Variants in CHST9 observed in about 807,000 individuals in gnomAD.
The protein encoded by CHST9 is GalNAc-4-sulfotransferase 2.
A neutral mutation model predicts 44.4 loss-of-function variants in CHST9; 41 were observed. The ratio of observed to expected loss-of-function variants is 0.92; its 90% confidence interval spans 0.72 to 1.20. The LOEUF (loss-of-function observed/expected upper bound fraction) is 1.20. Ranked by LOEUF, CHST9 falls within the 50% of genes most tolerant of loss-of-function variation. The pLI, the probability that CHST9 is intolerant of heterozygous loss-of-function variation, is 0.00. For synonymous variants in CHST9, 171 were observed against 178.4 expected (o/e 0.96, Z 0.33); for missense variants, 504 against 516.5 (o/e 0.98, Z 0.23).
chr18:27,098,024 A>C lies in CHST9; in HGVS notation c.121+44665T>G, dbSNP rs113250637. On this transcript the variant is annotated intron_variant, in intron 2 of 5. Coordinates refer to ENST00000618847, the MANE Select transcript of CHST9 (RefSeq NM_031422.6). ...TTTGAAGTCAGGTAGCATTCAGGCAACCTACAGAATGGGAGAAAATTTTTG... is the reference window on the plus strand; with the variant it reads ...TTTGAAGTCAGGTAGCATTCAGGCACCCTACAGAATGGGAGAAAATTTTTG... Among the ~76,000 whole-genome samples, 467 of 151,946 alleles carry C rather than the reference A, an allele frequency of 3.1e-3. 1 individual carries two copies. The highest frequency in any genetic ancestry group is 5.7e-3 in the Non-Finnish European group (388 of 67,770).
chr18:27,070,064 G>A (rs561284503), intron 2 of CHST9, among the ~76,000 whole-genome samples: 9 of 152,170 alleles, frequency 5.9e-5, no homozygotes, highest in African/African-American at 1.9e-4. Flanking sequence ...GCCACTGTTC[G>A]GCACATAAAA....
At chr18:27,087,104 C>A (rs2058020435) in intron 2 of CHST9, among the ~76,000 whole-genome samples, 1 of 152,104 alleles carries the variant, frequency 6.6e-6, no homozygotes, top group South Asian at 2.1e-4. Flanking sequence ...ATGTTTTCTA[C>A]TGTATGAATC....
intron 2 of CHST9, among the ~76,000 whole-genome samples, chr18:27,113,489 C>T (rs2143788703): frequency 6.6e-6 from 1 of 152,100 alleles, no homozygotes; most frequent in Non-Finnish European, 1.5e-5. Context: ...ATGTTTGTGT[C>T]CCCCTAATAG....
chr18:27,158,128 AG>A (rs1314532757), intron 1 of CHST9, among the ~76,000 whole-genome samples: 5 of 152,150 alleles, frequency 3.3e-5, no homozygotes, highest in African/African-American at 4.8e-5. Context: ...TTATACTTTA[AG>A]TTTTAGGGTA....
rs2055395799 is a variant in CHST9, at chr18:26,908,361, G to C, written c.*7898C>G. ...GAACCCAGGACGTGGAGGTTGCAGT[G>C]AGCAGAGATGGTGCCACTGCACTGC... On this transcript the variant is annotated 3_prime_UTR_variant, in exon 6 of 6. Coordinates refer to ENST00000618847, the MANE Select transcript of CHST9 (RefSeq NM_031422.6). 6.6e-6 allele frequency: 1 copy of C among 152,028 alleles called. No individual in the cohort carries two copies. Among genetic ancestry groups the C allele is most frequent in the Non-Finnish European group, 1.5e-5 (1 of 68,044 alleles). 9.4% of individuals were successfully genotyped at this position (152,028 alleles called of 1,614,324 possible). A position where few individuals can be genotyped will look rare whatever the true frequency, so the allele number is the denominator to read the frequency against.
At chr18:26,993,369 T>C (rs1006484189) in intron 4 of CHST9, among the ~76,000 whole-genome samples, 3 of 152,188 alleles carry the variant, frequency 2.0e-5, no homozygotes, top group Non-Finnish European at 4.4e-5. Context: ...ATCAGAACTT[T>C]TAGGTCCAGA....
intron 5 of CHST9, among the ~76,000 whole-genome samples, chr18:26,932,404 G>T (rs557833247): frequency 1.2e-4 from 19 of 152,058 alleles, no homozygotes; most frequent in Admixed American, 8.5e-4. Flanking sequence ...GAGACTTGGT[G>T]GTTATGGAGT....
intron 2 of CHST9, among the ~76,000 whole-genome samples, chr18:27,051,042 C>T (rs2057560655): frequency 6.6e-6 from 1 of 152,172 alleles, no homozygotes; most frequent in Non-Finnish European, 1.5e-5. Flanking sequence ...TGTAATCCCA[C>T]TGAATTAGAT....
intron 3 of CHST9, among the ~76,000 whole-genome samples, chr18:27,027,452 G>A (rs1046490651): frequency 3.3e-5 from 5 of 152,158 alleles, no homozygotes; most frequent in Admixed American, 2.0e-4. Flanking sequence ...AGGTCCTTTG[G>A]TTGCTGGGTT....
intron 2 of CHST9, among the ~76,000 whole-genome samples, chr18:27,080,458 A>G (rs2057949107): frequency 6.6e-6 from 1 of 152,014 alleles, no homozygotes; most frequent in East Asian, 1.9e-4. Context: ...TAGCTTATGT[A>G]TATCTCTCAT....
intron 4 of CHST9, among the ~76,000 whole-genome samples, chr18:26,998,878 C>T (rs771305900): frequency 2.0e-5 from 3 of 152,214 alleles, no homozygotes; most frequent in Admixed American, 2.0e-4. Flanking sequence ...TGGCAGCATC[C>T]GGGAAGGACC....
intron 2 of CHST9, among the ~76,000 whole-genome samples, chr18:27,127,475 G>C (rs2143826208): frequency 6.6e-6 from 1 of 152,224 alleles, no homozygotes; most frequent in South Asian, 2.1e-4. Flanking sequence ...GCGGAGAAAA[G>C]GACCAGTGGT....
intron 2 of CHST9, among the ~76,000 whole-genome samples, chr18:27,128,970 C>T (rs558008809): frequency 6.6e-6 from 1 of 152,106 alleles, no homozygotes; most frequent in Non-Finnish European, 1.5e-5. Context: ...TGTTCTAGGC[C>T]CTGTGGTCCT....
At chr18:27,113,360 T>C (rs1382174305) in intron 2 of CHST9, among the ~76,000 whole-genome samples, 1 of 152,190 alleles carries the variant, frequency 6.6e-6, no homozygotes, top group African/African-American at 2.4e-5. Context: ...AACTCAAATG[T>C]TATATTTGTT....
chr18:27,084,458 G>T (rs904388020), intron 2 of CHST9, among the ~76,000 whole-genome samples: 18 of 143,572 alleles, frequency 1.3e-4, no homozygotes, highest in East Asian at 6.0e-4. Flanking sequence ...CACTCGCTGG[G>T]TTTTTTTTTT....
intron 1 of CHST9, among the ~76,000 whole-genome samples, chr18:27,159,840 G>C (rs2058731395): frequency 1.3e-5 from 2 of 152,128 alleles, no homozygotes; most frequent in African/African-American, 4.8e-5. Context: ...TTGTAAGTTG[G>C]ATTCCTAGGT....
chr18:26,968,747 A>G (rs2056498593), intron 4 of CHST9, among the ~76,000 whole-genome samples: 1 of 152,164 alleles, frequency 6.6e-6, no homozygotes, highest in Non-Finnish European at 1.5e-5. Flanking sequence ...GACTTTTACA[A>G]TTATTTTGAT....
chr18:27,040,284 AT>A lies in CHST9; in HGVS notation c.160+8180del, dbSNP rs201835073. Reference sequence around the variant, plus strand: ...ATGTTCAAAGAAAGGCATGGGGATCATCCCACCCTTTAAATGGTCCAAATGG... The same window carrying A: ...ATGTTCAAAGAAAGGCATGGGGATCACCCACCCTTTAAATGGTCCAAATGG... On this transcript the variant is annotated intron_variant, in intron 3 of 5. Transcript: ENST00000618847. Among the ~76,000 whole-genome samples, 488 of 152,302 alleles carry A rather than the reference AT, an allele frequency of 3.2e-3. 1 individual carries two copies. Among genetic ancestry groups the A allele is most frequent in the African/African-American group, 0.011 (477 of 41,578 alleles).
At chr18:27,122,766 A>G (rs1171445089) in intron 2 of CHST9, among the ~76,000 whole-genome samples, 2 of 152,228 alleles carry the variant, frequency 1.3e-5, no homozygotes, top group African/African-American at 4.8e-5. Flanking sequence ...AAAAATGTGC[A>G]GGAGTGCCAA....
Sources: allele counts gnomAD v4.1 joint callset (sites outside exome capture counted in the v4.1 genomes callset), GRCh38; gene constraint gnomAD v4.1.1; transcripts MANE v1.5; gene names NCBI Gene and HGNC (gene_info 2026-07-23, HGNC 2026-07-21).